Variants in ENPP6 observed in about 807,000 individuals in gnomAD.
The protein encoded by ENPP6 is ectonucleotide pyrophosphatase/phosphodiesterase 6, also known as glycerophosphocholine cholinephosphodiesterase ENPP6.
Under a neutral mutation model 42.0 loss-of-function variants are expected in ENPP6, and 32 were observed. The observed-to-expected ratio is 0.76, with a 90% CI of 0.58 to 1.02. The LOEUF is 1.02. Ranked by LOEUF, ENPP6 falls within the 50% of genes least tolerant of loss-of-function variation. The pLI is 0.00. For synonymous variants in ENPP6, 213 were observed against 216.0 expected, an observed-to-expected ratio of 0.99 and a Z score of 0.12; for missense variants, 552 against 566.8, an observed-to-expected ratio of 0.97 and a Z score of 0.27.
intron 3 of ENPP6, 48 bp from the exon 4 acceptor site, chr4:184,117,948 C>T (rs1736352240): frequency 6.3e-7 from 1 of 1,591,838 alleles, no homozygotes; most frequent in East Asian, 2.3e-5. Context: ...CCCCCGCCAG[C>T]TTGCTCCCTT....
intron 2 of ENPP6, among the ~76,000 whole-genome samples, chr4:184,126,465 A>G (rs984757543): frequency 6.6e-6 from 1 of 152,248 alleles, no homozygotes; most frequent in Non-Finnish European, 1.5e-5. Flanking sequence ...TTAAACAAAC[A>G]TCATGGCAGC....
At chr4:184,097,420 A>G (rs779916593) in intron 6 of ENPP6, 52 bp from the exon 7 acceptor site, 3 of 1,604,520 alleles carry the variant, frequency 1.9e-6, no homozygotes, top group East Asian at 4.5e-5. Flanking sequence ...CGTGGCGCTG[A>G]GCGGGCATCT....
chr4:184,119,596 A>T (rs1736381490), intron 3 of ENPP6, among the ~76,000 whole-genome samples: 1 of 152,112 alleles, frequency 6.6e-6, no homozygotes, highest in African/African-American at 2.4e-5. Flanking sequence ...GATTATCTCC[A>T]AGCCTCCGTT....
rs927437869 is a variant in ENPP6, at chr4:184,188,399, T to C, written c.241+29180A>G. The stretch of plus-strand genomic sequence containing the variant: ...AGGTTTTTGTTCCAAACAAAGAAGG[T>C]AATTTCTTCACCAACTGCCATTTTC... On this transcript the variant is annotated intron_variant, in intron 1 of 7. Coordinates refer to ENST00000296741, the MANE Select transcript of ENPP6 (RefSeq NM_153343.4). 5.3e-5 allele frequency among the ~76,000 whole-genome samples: 8 copies of C among 152,208 alleles called. No homozygotes were observed. In the South Asian group the frequency reaches 8.3e-4, roughly 16 times the overall value.
intron 1 of ENPP6, among the ~76,000 whole-genome samples, chr4:184,155,419 A>G (rs753195258): frequency 7.2e-5 from 11 of 152,190 alleles, no homozygotes; most frequent in Non-Finnish European, 1.2e-4. Flanking sequence ...GTCTTTCCTC[A>G]TAGAGAGATG....
In ENPP6 at chr4:184,166,081, T is replaced by TG. The variant is rs146051895; in HGVS notation, c.242-12349dup. On this transcript the variant is annotated intron_variant, in intron 1 of 7. Transcript: ENST00000296741. ...AATTTGCCTTGCAGATAACCTCTGT[T>TG]GGGAAATCCATTTTATTTTTTTAAT... Among the ~76,000 whole-genome samples, 133 of 152,348 alleles carry TG rather than the reference T, an allele frequency of 8.7e-4. 2 individuals are homozygous for TG. In the East Asian group the frequency reaches 0.022, roughly 26 times the overall value.
At position 184,111,748 on chromosome 4, in the gene ENPP6, C is replaced by T. The variant is rs1424047406; in HGVS notation, c.993+924G>A. Among the ~76,000 whole-genome samples the T allele has an allele frequency of 3.9e-5, 6 of 152,216 alleles. No individual in the cohort carries two copies. In the East Asian group the frequency reaches 5.8e-4, roughly 15 times the overall value. On this transcript the variant is annotated intron_variant, in intron 6 of 7. Coordinates refer to ENST00000296741, the MANE Select transcript of ENPP6 (RefSeq NM_153343.4). ...CGCAGTCTTCCTGCATAACACACAACCTGTGTGTTACATGTCACACAACCC... is the reference window on the plus strand; with the variant it reads ...CGCAGTCTTCCTGCATAACACACAATCTGTGTGTTACATGTCACACAACCC...
chr4:184,165,848 G>A (rs146322459), intron 1 of ENPP6, among the ~76,000 whole-genome samples: 3 of 152,262 alleles, frequency 2.0e-5, no homozygotes, highest in African/African-American at 7.2e-5. Flanking sequence ...TTATATATTC[G>A]ATTCAGAGCC....
Position 184,212,054 on chromosome 4 carries a change from A to G in ENPP6, c.241+5525T>C, listed in dbSNP as rs993921427. Among the ~76,000 whole-genome samples the G allele has an allele frequency of 2.4e-3, 367 of 151,464 alleles. 4 individuals carry two copies. The highest frequency in any genetic ancestry group is 8.7e-3 in the African/African-American group (355 of 40,984). ...AATTCAACAACCCTTCATGCTAAAA[A>G]CTCTCAATAAATTAGGTATTGATGG... On this transcript the variant is annotated intron_variant, in intron 1 of 7. Transcript: ENST00000296741.
intron 5 of ENPP6, among the ~76,000 whole-genome samples, chr4:184,113,190 T>G (rs138796243): frequency 2.0e-5 from 3 of 152,170 alleles, no homozygotes; most frequent in Non-Finnish European, 4.4e-5. Context: ...TCTACAGCAC[T>G]GAAGATGAAT....
intron 5 of ENPP6, among the ~76,000 whole-genome samples, chr4:184,114,574 G>C (rs892281747): frequency 2.6e-5 from 4 of 152,098 alleles, no homozygotes; most frequent in Non-Finnish European, 4.4e-5. Flanking sequence ...TGTTGTGTCC[G>C]TCACATGACA....
chr4:184,162,375 T>C (rs1737275072), intron 1 of ENPP6, among the ~76,000 whole-genome samples: 1 of 152,204 alleles, frequency 6.6e-6, no homozygotes, highest in Non-Finnish European at 1.5e-5. Flanking sequence ...CTGATCTTCC[T>C]GAGTACTTGA....
At chr4:184,092,825 G>C (rs902521276) in intron 7 of ENPP6, among the ~76,000 whole-genome samples, 2 of 152,176 alleles carry the variant, frequency 1.3e-5, no homozygotes, top group African/African-American at 4.8e-5. Flanking sequence ...AGTTTTTTAA[G>C]ATATTAGAAA....
chr4:184,189,178 C>T (rs971122907), intron 1 of ENPP6, among the ~76,000 whole-genome samples: 1 of 152,156 alleles, frequency 6.6e-6, no homozygotes, highest in Non-Finnish European at 1.5e-5. Flanking sequence ...CTCCTCTCAG[C>T]CGCCTTCCTT....
In ENPP6 at chr4:184,124,165, A is replaced by G; in HGVS notation, c.529T>C (p.Phe177Leu). ...ANAVSDALDSFKSGRADLAAI... is the reference protein window; with the variant it reads ...ANAVSDALDSLKSGRADLAAI... ...GCTAGAGTTTGGGACACTTACTTGAAGGAGTCAAGAGCATCGCTGACTGCA... is the reference window on the plus strand; with the variant it reads ...GCTAGAGTTTGGGACACTTACTTGAGGGAGTCAAGAGCATCGCTGACTGCA... The change falls in exon 3 of 8, where the codon TTC (phenylalanine) becomes CTC (leucine). Residue 177 changes from phenylalanine (F) to leucine (L), a missense_variant. Transcript: ENST00000296741. The G allele has an allele frequency of 6.2e-7, 1 of 1,612,854 alleles. No individual in the cohort carries two copies. Among genetic ancestry groups the G allele is most frequent in the Non-Finnish European group, 8.5e-7 (1 of 1,178,906 alleles).
At chr4:184,134,131 G>GATTGATTTATTTATTTATTT (rs139499837) in intron 2 of ENPP6, among the ~76,000 whole-genome samples, 1 of 147,188 alleles carries the variant, frequency 6.8e-6, no homozygotes, top group Non-Finnish European at 1.5e-5. Flanking sequence ...TTATGGAAGT[G>GATTGATTTATTTATTTATTT]ATTTATTTAT....
intron 6 of ENPP6, among the ~76,000 whole-genome samples, chr4:184,109,444 G>A (rs1736162572): frequency 6.6e-6 from 1 of 152,108 alleles, no homozygotes; most frequent in African/African-American, 2.4e-5. Flanking sequence ...TGTCATTGAA[G>A]CTTTGGGGGA....
chr4:184,107,338 C>T (rs1475383701), intron 6 of ENPP6, among the ~76,000 whole-genome samples: 1 of 152,248 alleles, frequency 6.6e-6, no homozygotes, highest in Non-Finnish European at 1.5e-5. Context: ...TTACCTCTTT[C>T]TGTTTTATCC....
chr4:184,158,410 G>A (rs1737209302), intron 1 of ENPP6, among the ~76,000 whole-genome samples: 2 of 152,140 alleles, frequency 1.3e-5, no homozygotes, highest in African/African-American at 2.4e-5. Context: ...CAGCGGGGTG[G>A]GGTGGGGGGA....
Sources: gnomAD v4.1 joint callset for allele counts (sites outside exome capture counted in the v4.1 genomes callset) on GRCh38, gnomAD v4.1.1 for gene constraint, MANE v1.5 for transcripts, NCBI Gene and HGNC (gene_info 2026-07-23, HGNC 2026-07-21) for gene names.